Variants in NOS1 observed in about 807,000 individuals in gnomAD.
NOS1 encodes the protein NOS type I.
A neutral mutation model predicts 164.5 loss-of-function variants in NOS1; 51 were observed. That is an observed-to-expected ratio of 0.31 (90% CI 0.25 to 0.39). The LOEUF (loss-of-function observed/expected upper bound fraction) is 0.39, where lower values mean the gene tolerates loss of function less well. NOS1 is among the 10% of genes least tolerant of loss of function. The pLI is 1.00. For synonymous variants in NOS1, 719 were observed against 745.8 expected (o/e 0.96, Z 0.59); for missense variants, 1,362 against 1,885.6 (o/e 0.72, Z 5.14).
At chr12:117,224,854 T>A (rs1459233097) in intron 25 of NOS1, among the ~76,000 whole-genome samples, 162 bp downstream of exon 25, 1 of 152,222 alleles carries the variant, frequency 6.6e-6, no homozygotes, top group African/African-American at 2.4e-5. Context: ...GATTACACCA[T>A]GAACTTCACC....
rs1310760336 is a variant in NOS1, at chr12:117,213,706, T to G, written c.*1603A>C. ...ATAAAAGAAATGTGGTTTTTCTGTA[T>G]AGCAAGACACAACAAACAGGGTAGA... On this transcript the variant is annotated 3_prime_UTR_variant, in exon 29 of 29. Coordinates refer to ENST00000317775, the MANE Select transcript of NOS1 (RefSeq NM_000620.5). The G allele has an allele frequency of 1.0e-6, 1 of 985,318 alleles. No individual in the cohort carries two copies. Among genetic ancestry groups the G allele is most frequent in the Non-Finnish European group, 1.2e-6 (1 of 829,956 alleles). 61.0% of individuals were successfully genotyped at this position (985,318 alleles called of 1,614,324 possible).
chr12:117,264,943 T>A (rs999140120), intron 12 of NOS1, among the ~76,000 whole-genome samples: 7 of 151,752 alleles, frequency 4.6e-5, no homozygotes, highest in Admixed American at 3.9e-4. Context: ...ACTCAGGTGA[T>A]CCACCTGCCT....
At chr12:117,308,902 A>T (rs751711384) in intron 3 of NOS1, among the ~76,000 whole-genome samples, 2 of 152,158 alleles carry the variant, frequency 1.3e-5, no homozygotes, top group Admixed American at 6.6e-5. Context: ...GCCATAGATT[A>T]TGTAAATTTT....
chr12:117,353,631 G>A (rs1322879947), intron 1 of NOS1, among the ~76,000 whole-genome samples: 1 of 152,236 alleles, frequency 6.6e-6, no homozygotes, highest in Non-Finnish European at 1.5e-5. Flanking sequence ...AGAAATAGGT[G>A]TCAAGGGTTC....
intron 17 of NOS1, among the ~76,000 whole-genome samples, chr12:117,250,549 G>A (rs1415485643): frequency 4.0e-5 from 6 of 151,836 alleles, no homozygotes; most frequent in Non-Finnish European, 8.8e-5. Flanking sequence ...TGCTGGTGTC[G>A]AACTTCTGAC....
intron 2 of NOS1, among the ~76,000 whole-genome samples, chr12:117,323,207 G>A (rs1410467764): frequency 1.3e-5 from 2 of 152,200 alleles, no homozygotes; most frequent in Non-Finnish European, 2.9e-5. Flanking sequence ...CCATAAATGG[G>A]GGAGTCCCTC....
In NOS1 at chr12:117,223,077, G is replaced by A. The variant is rs1397716517; in HGVS notation, c.3827-214C>T. On this transcript the variant is annotated intron_variant, in intron 25 of 28. Coordinates refer to ENST00000317775, the MANE Select transcript of NOS1 (RefSeq NM_000620.5). ...CACATACACACACATACATATGCAC[G>A]CACTGAGGAAGGAGGTGAAGTGTGT... Among the ~76,000 whole-genome samples the A allele has an allele frequency of 4.6e-5, 7 of 152,184 alleles. No individual in the cohort carries two copies. In the East Asian group the frequency reaches 9.7e-4, roughly 21 times the overall value.
intron 1 of NOS1, among the ~76,000 whole-genome samples, chr12:117,346,095 C>T (rs1023104772): frequency 6.6e-6 from 1 of 152,212 alleles, no homozygotes; most frequent in South Asian, 2.1e-4. Flanking sequence ...CACTTCACTT[C>T]CTGAAAGCAG....
intron 18 of NOS1, chr12:117,245,971 C>T (rs1043906261): frequency 3.3e-5 from 5 of 152,988 alleles, no homozygotes; most frequent in Non-Finnish European, 5.9e-5. Flanking sequence ...GGATAGGAAT[C>T]TCTCTCTCAA....
Position 117,335,741 on chromosome 12 carries a change from A to AGAGAGAG in NOS1, c.-420-4259_-420-4253dup, listed in dbSNP as rs1555261702. ...GTTACAGACTATATGAGAGAGAGAG[A>AGAGAGAG]GAGAGAGAGAGAGAGAGAGAGAGAG... is the stretch of plus-strand genomic sequence containing the variant. On this transcript the variant is annotated intron_variant, in intron 1 of 28. Coordinates refer to ENST00000317775, the MANE Select transcript of NOS1 (RefSeq NM_000620.5). 4.5e-5 allele frequency among the ~76,000 whole-genome samples: 3 copies of AGAGAGAG among 66,748 alleles called. 1 individual carries two copies. Among genetic ancestry groups the AGAGAGAG allele is most frequent in the African/African-American group, 4.7e-5 (1 of 21,264 alleles). The allele number at this position is 66,748 out of a possible 152,430, so 43.8% of individuals were successfully genotyped here.
chr12:117,302,027 C>A (rs1873845969), intron 3 of NOS1: 2 of 456,726 alleles, frequency 4.4e-6, no homozygotes, highest in Non-Finnish European at 8.8e-6. Context: ...GGTTATGTGA[C>A]CCTCGTTGAG....
chr12:117,247,958 A>G (rs1225260354), intron 17 of NOS1, among the ~76,000 whole-genome samples: 1 of 150,306 alleles, frequency 6.7e-6, no homozygotes, highest in Non-Finnish European at 1.5e-5. Flanking sequence ...AAAAAAAAAA[A>G]AAGAAAAGAA....
In NOS1 at chr12:117,234,808, C is replaced by A. The variant is rs867027881; in HGVS notation, c.3042-50G>T. On this transcript the variant is annotated intron_variant, in intron 20 of 28. Transcript: ENST00000317775. This position sits in a 1 kb window ranked among gnomAD's most constrained non-coding sequence, Gnocchi z 4.3. ...TAGGACAAGGGCCAGCAGCTACTTC[C>A]TCCTTTTTTTGCTCTTCTGTCTGTC... 1 of 1,505,250 alleles carries A rather than the reference C, an allele frequency of 6.6e-7. No homozygotes were observed. Among genetic ancestry groups the A allele is most frequent in the Admixed American group, 2.0e-5 (1 of 50,074 alleles). The allele number at this position is 1,505,250 out of a possible 1,614,324, so 93.2% of individuals were successfully genotyped here.
chr12:117,310,094 GAT>G (rs1197640743), intron 3 of NOS1, among the ~76,000 whole-genome samples: 2 of 152,172 alleles, frequency 1.3e-5, no homozygotes, highest in Non-Finnish European at 2.9e-5. Context: ...TTTTTTTAGA[GAT>G]AGGGTTTTGC....
At chr12:117,224,371 C>T (rs1015933269) in intron 25 of NOS1, among the ~76,000 whole-genome samples, 31 of 152,070 alleles carry the variant, frequency 2.0e-4, no homozygotes, top group African/African-American at 4.8e-4. Context: ...CTGCAAGCTC[C>T]GCCTCCCGGG....
chr12:117,335,184 T>C (rs1875746951), intron 1 of NOS1, among the ~76,000 whole-genome samples: 1 of 152,164 alleles, frequency 6.6e-6, no homozygotes, highest in African/African-American at 2.4e-5. Flanking sequence ...TTCAGTGCAC[T>C]TTCTACTCTG....
chr12:117,245,017 G>T (rs1325896723), intron 18 of NOS1, among the ~76,000 whole-genome samples: 2 of 152,076 alleles, frequency 1.3e-5, no homozygotes, highest in African/African-American at 2.4e-5. Flanking sequence ...TATCTCAATG[G>T]GTATAAAAAG....
At position 117,284,843 on chromosome 12, in the gene NOS1, A is replaced by C. The variant is rs1048195711; in HGVS notation, c.1382+398T>G. ...GGCGGGTGGAGCACTTGAGGTCAGG[A>C]GTTTGAGACCAGCATGGTCAACATC... is the stretch of plus-strand genomic sequence containing the variant. On this transcript the variant is annotated intron_variant, in intron 7 of 28. Coordinates refer to ENST00000317775, the MANE Select transcript of NOS1 (RefSeq NM_000620.5). Among the ~76,000 whole-genome samples, 4 of 152,086 alleles carry C rather than the reference A, an allele frequency of 2.6e-5. No homozygotes were observed. In the East Asian group the frequency reaches 7.7e-4, roughly 29 times the overall value.
At chr12:117,287,867 G>A (rs1228403855) in intron 5 of NOS1, among the ~76,000 whole-genome samples, 1 of 152,202 alleles carries the variant, frequency 6.6e-6, no homozygotes, top group East Asian at 1.9e-4. Context: ...GGAATTGCTT[G>A]AAATCTTTCA....
Sources: gnomAD v4.1 joint callset for allele counts (sites outside exome capture counted in the v4.1 genomes callset) on GRCh38, gnomAD v4.1.1 for gene constraint, Gnocchi (gnomAD v3.1) non-coding constraint, MANE v1.5 for transcripts, NCBI Gene and HGNC (gene_info 2026-07-23, HGNC 2026-07-21) for gene names.